HSF2BP: variants seen among roughly 807,000 people sequenced by gnomAD.
HSF2BP encodes the protein heat shock factor 2-binding protein.
Under a neutral mutation model 35.0 loss-of-function variants are expected in HSF2BP, and 35 were observed. That is an observed-to-expected ratio of 1.00 (90% CI 0.76 to 1.32). The LOEUF (loss-of-function observed/expected upper bound fraction) is 1.32, where lower values mean the gene tolerates loss of function less well. Among genes scored for constraint, HSF2BP ranks in the 40% most tolerant of loss-of-function variants. The pLI is 0.00. For synonymous variants in HSF2BP, 114 were observed against 117.4 expected (o/e 0.97, Z 0.18); for missense variants, 326 against 321.7 (o/e 1.01, Z -0.10).
intron 6 of HSF2BP, among the ~76,000 whole-genome samples, chr21:43,626,449 A>C (rs1568923706): frequency 6.6e-6 from 1 of 152,246 alleles, no homozygotes; most frequent in African/African-American, 2.4e-5. Flanking sequence ...AGGAATGTAG[A>C]TATGCGGCTG....
Position 43,623,806 on chromosome 21 carries a change from G to A in HSF2BP, c.574+6516C>T, listed in dbSNP as rs1364013348. Among the ~76,000 whole-genome samples the A allele has an allele frequency of 4.6e-5, 7 of 152,024 alleles. No individual in the cohort carries two copies. The East Asian group carries it at 5.8e-4, about 13-fold the overall frequency. On this transcript the variant is annotated intron_variant, in intron 6 of 8. Coordinates refer to ENST00000291560, the MANE Select transcript of HSF2BP (RefSeq NM_007031.2). ...ACAGGTGATTCCGCAAAAAAAAGAC[G>A]AAAAAATAATGTTGATCAGTGCTCA... is the stretch of plus-strand genomic sequence containing the variant.
At chr21:43,588,003 G>A (rs1203664377) in intron 8 of HSF2BP, among the ~76,000 whole-genome samples, 1 of 152,242 alleles carries the variant, frequency 6.6e-6, no homozygotes, top group Non-Finnish European at 1.5e-5. Flanking sequence ...ATTAGCCTAA[G>A]TAGAGACTGG....
At chr21:43,630,499 AGTG>A (rs2082442377) in intron 5 of HSF2BP, 45 bp from the exon 6 acceptor site, 1 of 1,573,464 alleles carries the variant, frequency 6.4e-7, no homozygotes. Flanking sequence ...TACAGACACT[AGTG>A]TGAAAACATT....
At chr21:43,602,864 C>T (rs184433218) in intron 7 of HSF2BP, among the ~76,000 whole-genome samples, 1 of 152,262 alleles carries the variant, frequency 6.6e-6, no homozygotes, top group African/African-American at 2.4e-5. Context: ...CCCCAGAGGC[C>T]TCTCTCCTCA....
chr21:43,603,354 G>T (rs1379282861), intron 7 of HSF2BP, among the ~76,000 whole-genome samples: 1 of 152,208 alleles, frequency 6.6e-6, no homozygotes, highest in Non-Finnish European at 1.5e-5. Context: ...CCAGTGGCCG[G>T]AGGGGAAGGA....
At chr21:43,640,358 A>C (rs1481943809) in intron 4 of HSF2BP, among the ~76,000 whole-genome samples, 1 of 152,222 alleles carries the variant, frequency 6.6e-6, no homozygotes, top group Non-Finnish European at 1.5e-5. Context: ...TGAGATAACA[A>C]AATTAGAGAT....
intron 8 of HSF2BP, among the ~76,000 whole-genome samples, chr21:43,581,578 A>C (rs1015877818): frequency 6.6e-6 from 1 of 152,104 alleles, no homozygotes; most frequent in African/African-American, 2.4e-5. Context: ...AACACAGATA[A>C]ATTTTCTCCA....
At chr21:43,639,538 C>G (rs2082608329) in intron 4 of HSF2BP, among the ~76,000 whole-genome samples, 1 of 152,070 alleles carries the variant, frequency 6.6e-6, no homozygotes, top group Non-Finnish European at 1.5e-5. Flanking sequence ...AAAATAAATG[C>G]ATGAAATGAT....
chr21:43,633,140 A>G, intron 5 of HSF2BP, 132 bp downstream of exon 5: 1 of 920,216 alleles, frequency 1.1e-6, no homozygotes, highest in Non-Finnish European at 1.6e-6. Context: ...AGTATTCAAT[A>G]ACTAGCTGAT....
intron 7 of HSF2BP, among the ~76,000 whole-genome samples, chr21:43,606,372 C>T (rs1223267916): frequency 2.0e-5 from 3 of 152,126 alleles, no homozygotes; most frequent in Non-Finnish European, 2.9e-5. Flanking sequence ...AAATGTGATG[C>T]ACACTGGGGC....
intron 3 of HSF2BP, among the ~76,000 whole-genome samples, chr21:43,650,180 T>C (rs894063179): frequency 9.2e-5 from 14 of 152,186 alleles, no homozygotes; most frequent in African/African-American, 3.4e-4. Context: ...TTTTCATCTA[T>C]TTTACATCTA....
At chr21:43,627,769 T>TG (rs397943180) in intron 6 of HSF2BP, among the ~76,000 whole-genome samples, 1 of 152,240 alleles carries the variant, frequency 6.6e-6, no homozygotes, top group African/African-American at 2.4e-5. Context: ...ACTGTTTTTT[T>TG]ACAAATTGAA....
intron 4 of HSF2BP, among the ~76,000 whole-genome samples, chr21:43,636,036 C>T (rs548876622): frequency 1.3e-5 from 2 of 149,622 alleles, no homozygotes; most frequent in Non-Finnish European, 3.0e-5. Flanking sequence ...ATAGTGAGAC[C>T]CCATCTCTAC....
chr21:43,638,540 T>G (rs1468711158), intron 4 of HSF2BP, among the ~76,000 whole-genome samples: 1 of 152,198 alleles, frequency 6.6e-6, no homozygotes, highest in Admixed American at 6.5e-5. Context: ...CCAAATAAAA[T>G]TAAATACTTA....
In HSF2BP at chr21:43,592,319, C is replaced by T. The variant is rs772308902; in HGVS notation, c.702G>A (p.Leu234=). ...GQCTKLKVLM[L]MSLYNVSINL... is the part of the protein sequence containing the mutation. Reference sequence around the variant, plus strand: ...TGATGCTTACATTGTATAGGGACATCAGCATTAGCCTGAAATGTAAAAGAA... The same window carrying T: ...TGATGCTTACATTGTATAGGGACATTAGCATTAGCCTGAAATGTAAAAGAA... Residue 234 remains leucine, a synonymous_variant, in exon 8 of 9, where the codon CTG becomes CTA. Transcript: ENST00000291560. 5.6e-6 allele frequency: 9 copies of T among 1,608,940 alleles called. No homozygotes were observed. In the Admixed American group the frequency reaches 1.5e-4, roughly 27 times the overall value.
chr21:43,645,452 T>C (rs77667183), intron 3 of HSF2BP, among the ~76,000 whole-genome samples: 6,240 of 152,150 alleles, frequency 0.041, 438 homozygotes, highest in African/African-American at 0.14. Flanking sequence ...AAAATGAACA[T>C]GCAACACATG....
intron 7 of HSF2BP, among the ~76,000 whole-genome samples, chr21:43,604,372 GCACACCACACA>G (rs765727383): frequency 8.0e-4 from 60 of 75,324 alleles, no homozygotes; most frequent in East Asian, 2.2e-3. Context: ...CACACAGCAC[GCACACCACACA>G]CACACCACAC....
chr21:43,594,473 G>T (rs1217726088), intron 7 of HSF2BP, among the ~76,000 whole-genome samples: 2 of 152,154 alleles, frequency 1.3e-5, no homozygotes, highest in Non-Finnish European at 2.9e-5. Flanking sequence ...TACTGTTTAG[G>T]TGAGAAAGAC....
intron 8 of HSF2BP, among the ~76,000 whole-genome samples, chr21:43,583,817 G>A (rs531910889): frequency 1.5e-5 from 2 of 134,624 alleles, no homozygotes; most frequent in African/African-American, 5.6e-5. Flanking sequence ...GAGAGATGAA[G>A]GGCCTGCTGA....
Sources: gnomAD v4.1 joint callset for allele counts (sites outside exome capture counted in the v4.1 genomes callset) on GRCh38, gnomAD v4.1.1 for gene constraint, MANE v1.5 for transcripts, NCBI Gene and HGNC (gene_info 2026-07-23, HGNC 2026-07-21) for gene names.